The following FAF1 variants were observed in gnomAD, a reference collection of about 807,000 sequenced individuals.
The protein encoded by FAF1 is Fas associated factor 1, also known as FAS-associated factor 1.
Under a neutral mutation model 92.5 loss-of-function variants are expected in FAF1, and 25 were observed. The observed-to-expected ratio is 0.27, with a 90% CI of 0.20 to 0.38. The LOEUF (loss-of-function observed/expected upper bound fraction) is 0.38. Ranked by LOEUF, FAF1 falls within the 10% of genes least tolerant of loss-of-function variation. The probability of loss-of-function intolerance (pLI) is 1.00; values close to 1 mark genes in which losing one functional copy is unlikely to be tolerated. For synonymous variants in FAF1, 234 were observed against 273.2 expected (o/e 0.86, Z 1.42); for missense variants, 636 against 793.3 (o/e 0.80, Z 2.38).
At chr1:50,497,869 T>C (rs997658002) in intron 15 of FAF1, among the ~76,000 whole-genome samples, 1 of 151,978 alleles carries the variant, frequency 6.6e-6, no homozygotes, top group Non-Finnish European at 1.5e-5. Flanking sequence ...TAAGAAACAA[T>C]TGACTGTATC....
chr1:50,561,904 A>C (rs1649933415), intron 13 of FAF1, among the ~76,000 whole-genome samples: 1 of 151,678 alleles, frequency 6.6e-6, no homozygotes. Context: ...GAAGTTGTGT[A>C]AACCAATGGG....
intron 15 of FAF1, among the ~76,000 whole-genome samples, chr1:50,527,830 T>TCTCC (rs1647898890): frequency 7.6e-6 from 1 of 131,572 alleles, no homozygotes; most frequent in Non-Finnish European, 1.6e-5. Flanking sequence ...TCTCTCTCTC[T>TCTCC]CTCTCTCTCT....
At position 50,680,399 on chromosome 1, in the gene FAF1, C is replaced by T. The variant is rs543528116; in HGVS notation, c.658-24871G>A. Among the ~76,000 whole-genome samples the T allele has an allele frequency of 2.6e-5, 4 of 151,946 alleles. No homozygotes were observed. The South Asian group carries it at 8.3e-4, about 32-fold the overall frequency. Reference sequence around the variant, plus strand: ...TTATTAAGAAAACACTTAGAAAATCCATCACAGGGCCAGTGGTTCACGCCT... The same window carrying T: ...TTATTAAGAAAACACTTAGAAAATCTATCACAGGGCCAGTGGTTCACGCCT... On this transcript the variant is annotated intron_variant, in intron 7 of 18. Coordinates refer to ENST00000396153, the MANE Select transcript of FAF1 (RefSeq NM_007051.3).
At chr1:50,956,877 G>A (rs188485061) in intron 1 of FAF1, among the ~76,000 whole-genome samples, 2 of 152,360 alleles carry the variant, frequency 1.3e-5, no homozygotes, top group African/African-American at 4.8e-5. Flanking sequence ...GAACCCGAGA[G>A]GCGGAGGTTG....
At chr1:50,623,575 G>GAA (rs1225232060) in intron 8 of FAF1, among the ~76,000 whole-genome samples, 1 of 131,650 alleles carries the variant, frequency 7.6e-6, no homozygotes, top group Admixed American at 7.9e-5. Flanking sequence ...ACTCTGTCTT[G>GAA]AAAAAAAAAA....
intron 8 of FAF1, among the ~76,000 whole-genome samples, chr1:50,605,654 A>G (rs1652343106): frequency 6.6e-6 from 1 of 152,020 alleles, no homozygotes; most frequent in African/African-American, 2.4e-5. Context: ...GCTTTATGCC[A>G]TTTAGTTGCT....
At chr1:50,502,717 G>C (rs1364094733) in intron 15 of FAF1, among the ~76,000 whole-genome samples, 6 of 152,152 alleles carry the variant, frequency 3.9e-5, no homozygotes. Flanking sequence ...TTTTAGTATA[G>C]CTGAATATTC....
At chr1:50,892,094 G>C (rs1644724856) in intron 1 of FAF1, among the ~76,000 whole-genome samples, 2 of 152,196 alleles carry the variant, frequency 1.3e-5, no homozygotes, top group South Asian at 4.1e-4. Flanking sequence ...CCACCTTGCA[G>C]TTCAATTTCA....
rs1651146191 is a variant in FAF1 at position 50,584,793 on chromosome 1, T to C, written c.859A>G (p.Met287Val). Residue 287 changes from methionine (M) to valine (V), a missense_variant, in exon 10 of 19, where the codon ATG becomes GTG. Met to Val is a conservative substitution (Grantham distance 21, BLOSUM62 1). This residue lies in a region of FAF1 where 319 missense variants were observed against 451.0 expected (regional missense o/e 0.71). Transcript: ENST00000396153. Reference sequence around the variant, plus strand: ...TCATCTCCATCGCTATCACTAACCATATGAACATCGGTGATTTGCTATTTA... The same window carrying C: ...TCATCTCCATCGCTATCACTAACCACATGAACATCGGTGATTTGCTATTTA... ...QSEEQITDVH[M>V]VSDSDGDDFE... 4 of 1,613,310 alleles carry C rather than the reference T, an allele frequency of 2.5e-6. No homozygotes were observed. Among genetic ancestry groups the C allele is most frequent in the South Asian group, 1.1e-5 (1 of 91,032 alleles).
At chr1:50,871,997 G>A (rs1038811403) in intron 1 of FAF1, among the ~76,000 whole-genome samples, 8 of 150,648 alleles carry the variant, frequency 5.3e-5, no homozygotes, top group Non-Finnish European at 7.4e-5. Context: ...CCCGGGAGGC[G>A]GAGGTTGCAG....
chr1:50,631,310 A>G (rs1653778576), intron 8 of FAF1, among the ~76,000 whole-genome samples: 1 of 152,162 alleles, frequency 6.6e-6, no homozygotes, highest in African/African-American at 2.4e-5. Flanking sequence ...TGCCATACTA[A>G]GTAGCATGAG....
intron 6 of FAF1, among the ~76,000 whole-genome samples, chr1:50,729,247 G>A (rs1176004599): frequency 6.6e-6 from 1 of 150,880 alleles, no homozygotes; most frequent in Non-Finnish European, 1.5e-5. Context: ...TAAAGATGGG[G>A]TTTCTCCATT....
chr1:50,630,891 C>T (rs1168300018), intron 8 of FAF1, among the ~76,000 whole-genome samples: 3 of 142,586 alleles, frequency 2.1e-5, no homozygotes, highest in South Asian at 4.5e-4. Context: ...TGCAGTGGCA[C>T]GATCCCGGTT....
chr1:50,828,607 C>T (rs1644125688), intron 2 of FAF1, among the ~76,000 whole-genome samples: 1 of 152,024 alleles, frequency 6.6e-6, no homozygotes, highest in African/African-American at 2.4e-5. Context: ...TAAATGGATA[C>T]CCCATGAGAA....
intron 8 of FAF1, among the ~76,000 whole-genome samples, chr1:50,640,328 T>G (rs542985279): frequency 1.1e-3 from 167 of 151,752 alleles, no homozygotes; most frequent in African/African-American, 3.6e-3. Flanking sequence ...AGTCTCGCTC[T>G]GTCGCCCAGG....
chr1:50,703,705 T>C (rs1260280243), intron 7 of FAF1, among the ~76,000 whole-genome samples: 3 of 152,216 alleles, frequency 2.0e-5, no homozygotes, highest in Non-Finnish European at 4.4e-5. Flanking sequence ...TAGAAAATGG[T>C]ATAAAAAAGA....
intron 2 of FAF1, among the ~76,000 whole-genome samples, chr1:50,855,535 T>C (rs568519999): frequency 6.6e-6 from 1 of 152,014 alleles, no homozygotes; most frequent in Non-Finnish European, 1.5e-5. Context: ...AGATCAGTGA[T>C]AGTCATAATT....
intron 8 of FAF1, among the ~76,000 whole-genome samples, chr1:50,604,207 G>A (rs574480063): frequency 6.6e-6 from 1 of 152,216 alleles, no homozygotes; most frequent in South Asian, 2.1e-4. Context: ...GCTGAGTCAA[G>A]TGCTACTGCC....
chr1:50,934,535 C>T (rs2124747761), intron 1 of FAF1, among the ~76,000 whole-genome samples: 1 of 151,994 alleles, frequency 6.6e-6, no homozygotes, highest in East Asian at 1.9e-4. Flanking sequence ...CCAGCCTGGG[C>T]AACAAAGTGA....
Sources: allele counts gnomAD v4.1 joint callset (sites outside exome capture counted in the v4.1 genomes callset), GRCh38; gene constraint gnomAD v4.1.1; regional missense constraint gnomAD v4.1.1; transcripts MANE v1.5; gene names NCBI Gene and HGNC (gene_info 2026-07-23, HGNC 2026-07-21).